SASH1: variants seen among roughly 807,000 people sequenced by gnomAD.
SASH1 encodes SAM and SH3 domain containing 1, also known as SAM and SH3 domain-containing protein 1.
Under a neutral mutation model 125.2 loss-of-function variants are expected in SASH1, and 44 were observed. That is an observed-to-expected ratio of 0.35 (90% CI 0.28 to 0.45). The LOEUF (loss-of-function observed/expected upper bound fraction) is 0.45, where lower values mean the gene tolerates loss of function less well. Among genes scored for constraint, SASH1 ranks in the 20% least tolerant of loss-of-function variants. The probability of loss-of-function intolerance (pLI) is 1.00; values close to 1 mark genes in which losing one functional copy is unlikely to be tolerated. For missense variants in SASH1, 1,426 were observed against 1,614.5 expected (o/e 0.88, Z 2.00); for synonymous variants, 639 against 649.1 (o/e 0.98, Z 0.24).
intron 1 of SASH1, among the ~76,000 whole-genome samples, chr6:148,313,280 C>A (rs1780385060): frequency 6.6e-6 from 1 of 152,136 alleles, no homozygotes; most frequent in South Asian, 2.1e-4. Context: ...TTAGTATTCA[C>A]CCGGAGAAAA....
the SASH1 span, among the ~76,000 whole-genome samples, chr6:148,263,218 C>T: frequency 3.3e-5 from 5 of 152,226 alleles, no homozygotes; most frequent in African/African-American, 7.2e-5. Context: ...AAGCCTTCCC[C>T]GAAGAAGCAG....
intron 1 of SASH1, among the ~76,000 whole-genome samples, chr6:148,388,503 C>G (rs376496468): frequency 2.0e-5 from 3 of 152,188 alleles, no homozygotes; most frequent in African/African-American, 7.2e-5. Flanking sequence ...TAGAAGAGTC[C>G]TTCTTGTCTC....
At position 148,440,369 on chromosome 6, in the gene SASH1, C is replaced by T; in HGVS notation, c.348C>T (p.Gly116=). ...ATCTTCTCTCGTAGGAGTCGCTTGG[C>T]TTCTGTAGCGCCGTGTCAACCCCAG... is the stretch of plus-strand genomic sequence containing the variant. ...QLRSQIEESL[G]FCSAVSTPEV... Residue 116 remains glycine (G), a synonymous_variant, in exon 4 of 20, where the codon GGC becomes GGT. Transcript: ENST00000367467. 2 of 1,613,294 alleles carry T rather than the reference C, an allele frequency of 1.2e-6. No individual in the cohort carries two copies. The highest frequency in any genetic ancestry group is 1.7e-6 in the Non-Finnish European group (2 of 1,179,614).
At chr6:148,467,582 CAT>C (rs1192162188) in intron 4 of SASH1, among the ~76,000 whole-genome samples, 2 of 152,244 alleles carry the variant, frequency 1.3e-5, no homozygotes, top group African/African-American at 4.8e-5. Flanking sequence ...AATTTGGACA[CAT>C]GTTTAAAAAC....
intron 8 of SASH1, among the ~76,000 whole-genome samples, chr6:148,496,331 G>T (rs1779310408): frequency 6.6e-6 from 1 of 152,174 alleles, no homozygotes; most frequent in African/African-American, 2.4e-5. Flanking sequence ...TTTACAGCTA[G>T]AAAATGGTTC....
At chr6:148,390,380 C>A in intron 2 of SASH1, 118 bp downstream of exon 2, 1 of 994,464 alleles carries the variant, frequency 1.0e-6, no homozygotes, top group Non-Finnish European at 1.5e-6. Context: ...GGCTGCTGCA[C>A]TAGTGTGGGG....
At chr6:148,520,052 C>G (rs1160976680) in intron 10 of SASH1, 159 bp downstream of exon 10, 6 of 616,196 alleles carry the variant, frequency 9.7e-6, no homozygotes, top group African/African-American at 1.8e-5. Flanking sequence ...AGCGTCCCTC[C>G]AGAAAAGGCG....
chr6:148,224,999 G>A, the SASH1 span, among the ~76,000 whole-genome samples: 4 of 152,248 alleles, frequency 2.6e-5, no homozygotes, highest in South Asian at 2.1e-4. Flanking sequence ...CCCAAGGACC[G>A]CTGGGATGGT....
intron 1 of SASH1, 61 bp downstream of exon 1, chr6:148,343,284 C>T (rs958746622): frequency 2.7e-6 from 4 of 1,491,404 alleles, no homozygotes; most frequent in East Asian, 5.0e-5. Context: ...CCTCTGAAAC[C>T]GGGGGCTCCC....
At chr6:148,322,885 T>TTCTTTC (rs879875674) in intron 1 of SASH1, among the ~76,000 whole-genome samples, 13 of 130,958 alleles carry the variant, frequency 9.9e-5, no homozygotes, top group Admixed American at 7.2e-4. Flanking sequence ...CTTTCTTTCT[T>TTCTTTC]TTTCTTCTTT....
rs759474164 is a variant in SASH1, at chr6:148,533,042, G to A, written c.1734+76G>A. 60 of 1,473,284 alleles carry A rather than the reference G, an allele frequency of 4.1e-5. No individual in the cohort carries two copies. Among genetic ancestry groups the A allele is most frequent in the Non-Finnish European group, 5.5e-5 (58 of 1,060,238 alleles). 91.3% of individuals were successfully genotyped at this position (1,473,284 alleles called of 1,614,324 possible). ...TAGGAGGCTTTCTTTCCTCCTCACT[G>A]TTGAATGCTGGGCTACTATGGTACA... is the stretch of plus-strand genomic sequence containing the variant. On this transcript the variant is annotated intron_variant, in intron 14 of 19. Coordinates refer to ENST00000367467, the MANE Select transcript of SASH1 (RefSeq NM_015278.5). The surrounding 1 kb of genome is among the most constrained non-coding windows in gnomAD (Gnocchi z 6.2).
Position 148,343,156 on chromosome 6 carries a change from A to G in SASH1, c.89A>G (p.Glu30Gly). The G allele has an allele frequency of 6.3e-7, 1 of 1,599,742 alleles. No homozygotes were observed. The highest frequency in any genetic ancestry group is 8.5e-7 in the Non-Finnish European group (1 of 1,179,074). ...GAGCCCGCGCCGGAGCCGGAACCGG[A>G]GCCCAAGCCGGGTGCTGGCACATCC... Reference protein sequence around the residue: ...EPEPAPEPEPEPKPGAGTSEA... With the variant: ...EPEPAPEPEPGPKPGAGTSEA... The change falls in exon 1 of 20, where the codon GAG becomes GGG. Residue 30 changes from glutamate (E) to glycine (G), a missense_variant. Coordinates refer to ENST00000367467, the MANE Select transcript of SASH1 (RefSeq NM_015278.5).
chr6:148,461,923 A>T (rs1168399354), intron 4 of SASH1, among the ~76,000 whole-genome samples: 2 of 152,238 alleles, frequency 1.3e-5, no homozygotes, highest in South Asian at 4.1e-4. Context: ...AGTAGGACAT[A>T]AAGAAAATGA....
intron 4 of SASH1, among the ~76,000 whole-genome samples, chr6:148,458,428 TGTAA>T (rs2115067942): frequency 6.6e-6 from 1 of 152,312 alleles, no homozygotes; most frequent in South Asian, 2.1e-4. Context: ...CTCGGGACTC[TGTAA>T]GTAAGAAAGA....
chr6:148,353,451 T>C (rs1781812863), intron 1 of SASH1, among the ~76,000 whole-genome samples: 1 of 149,522 alleles, frequency 6.7e-6, no homozygotes, highest in Non-Finnish European at 1.5e-5. Context: ...TTTTTTTTTT[T>C]TTTTGGACAG....
chr6:148,481,894 C>T (rs1778634659), intron 7 of SASH1, among the ~76,000 whole-genome samples: 1 of 152,144 alleles, frequency 6.6e-6, no homozygotes, highest in Non-Finnish European at 1.5e-5. Flanking sequence ...TAAACTCGTT[C>T]GATGCAGGGC....
chr6:148,391,698 TTATATG>T (rs1257742772), intron 2 of SASH1, among the ~76,000 whole-genome samples: 1 of 152,218 alleles, frequency 6.6e-6, no homozygotes, highest in Non-Finnish European at 1.5e-5. Context: ...TATATATAAT[TTATATG>T]TATACTAGTA....
At chr6:148,527,374 A>G in intron 11 of SASH1, 79 bp from the exon 12 acceptor site, 4 of 1,270,220 alleles carry the variant, frequency 3.1e-6, no homozygotes, top group Non-Finnish European at 3.2e-6. Context: ...TCTGAGAGCT[A>G]GGATGTTAAT....
chr6:148,375,443 C>T (rs569869495), intron 1 of SASH1, among the ~76,000 whole-genome samples: 1 of 152,060 alleles, frequency 6.6e-6, no homozygotes, highest in Admixed American at 6.6e-5. Flanking sequence ...ACAGAAATCC[C>T]TAACGGAAGA....
Sources: allele counts gnomAD v4.1 joint callset (sites outside exome capture counted in the v4.1 genomes callset), GRCh38; gene constraint gnomAD v4.1.1; non-coding constraint Gnocchi (gnomAD v3.1); transcripts MANE v1.5; gene names NCBI Gene and HGNC (gene_info 2026-07-23, HGNC 2026-07-21).